Variants in DNAJC8 observed in about 807,000 individuals in gnomAD.
DNAJC8 encodes the protein DnaJ heat shock protein family (Hsp40) member C8.
In DNAJC8, 24 loss-of-function variants were observed where a neutral mutation model predicts 43.2. That is an observed-to-expected ratio of 0.56 (90% CI 0.40 to 0.78). DNAJC8 has a LOEUF of 0.78. Ranked by LOEUF, DNAJC8 falls within the 30% of genes least tolerant of loss-of-function variation. The pLI is 0.00. For missense variants in DNAJC8, 207 were observed against 299.4 expected, an observed-to-expected ratio of 0.69 and a Z score of 2.28; for synonymous variants, 83 against 98.0, an observed-to-expected ratio of 0.85 and a Z score of 0.90.
intron 2 of DNAJC8, among the ~76,000 whole-genome samples, chr1:28,223,541 A>C (rs1646913132): frequency 6.6e-6 from 1 of 152,066 alleles, no homozygotes; most frequent in East Asian, 1.9e-4. Context: ...AGTTAGTTGC[A>C]TACAGAGAGA....
Position 28,209,677 on chromosome 1 carries a change from G to T in DNAJC8, c.399+295C>A, listed in dbSNP as rs555803786. ...TCCACGTTTCCACTCTAAGAATGGG[G>T]TAAGTGGCAATATGTGATGAGAGGG... On this transcript the variant is annotated intron_variant, in intron 5 of 8. Coordinates refer to ENST00000263697, the MANE Select transcript of DNAJC8 (RefSeq NM_014280.3). 3.9e-5 allele frequency among the ~76,000 whole-genome samples: 6 copies of T among 152,330 alleles called. No individual in the cohort carries two copies. In the South Asian group the frequency reaches 1.2e-3, roughly 32 times the overall value.
rs979401445 is a variant in DNAJC8, at chr1:28,202,337, T to C, written c.640-967A>G. ...CTCTGTTGCCCAGGCTGGAGTGCAG[T>C]GGTGCGATCTCGGCTCACTACAACC... On this transcript the variant is annotated intron_variant, in intron 8 of 8. Coordinates refer to ENST00000263697, the MANE Select transcript of DNAJC8 (RefSeq NM_014280.3). Among the ~76,000 whole-genome samples the C allele has an allele frequency of 3.9e-5, 6 of 152,214 alleles. No homozygotes were observed. The East Asian group carries it at 1.2e-3, about 29-fold the overall frequency.
chr1:28,231,930 G>T (rs1646978699), intron 1 of DNAJC8, among the ~76,000 whole-genome samples: 1 of 151,940 alleles, frequency 6.6e-6, no homozygotes, highest in African/African-American at 2.4e-5. Context: ...ACCAGGCCCA[G>T]CTAATTTTTT....
At chr1:28,227,980 T>C (rs1646948510) in intron 2 of DNAJC8, among the ~76,000 whole-genome samples, 1 of 152,232 alleles carries the variant, frequency 6.6e-6, no homozygotes, top group East Asian at 1.9e-4. Context: ...ATCTAAAATC[T>C]TGTGATCTTT....
At chr1:28,221,742 CT>C (rs1429619163) in intron 2 of DNAJC8, among the ~76,000 whole-genome samples, 3 of 152,150 alleles carry the variant, frequency 2.0e-5, no homozygotes, top group Admixed American at 6.5e-5. Flanking sequence ...TCATCTTCCC[CT>C]AGGCCCTCCC....
intron 1 of DNAJC8, among the ~76,000 whole-genome samples, chr1:28,232,552 A>T (rs917525291): frequency 1.3e-5 from 2 of 151,772 alleles, no homozygotes; most frequent in Admixed American, 6.6e-5. Context: ...CACTAAAACA[A>T]CTCATTACAA....
At chr1:28,217,162 T>C (rs1487413610) in intron 2 of DNAJC8, among the ~76,000 whole-genome samples, 1 of 151,554 alleles carries the variant, frequency 6.6e-6, no homozygotes, top group African/African-American at 2.4e-5. Context: ...GACAGTGTCT[T>C]ACTTTATTAC....
intron 8 of DNAJC8, 76 bp from the exon 9 acceptor site, chr1:28,201,446 C>A: frequency 1.3e-6 from 2 of 1,596,980 alleles, no homozygotes; most frequent in South Asian, 1.1e-5. Flanking sequence ...GCCATCCACT[C>A]ACCCTCCTGT....
intron 2 of DNAJC8, among the ~76,000 whole-genome samples, chr1:28,223,213 A>G (rs952662234): frequency 6.6e-6 from 1 of 152,130 alleles, no homozygotes; most frequent in African/African-American, 2.4e-5. Context: ...GTGGAGCCAG[A>G]CCCCGAGTAA....
intron 7 of DNAJC8, 39 bp from the exon 8 acceptor site, chr1:28,203,861 T>TA: frequency 1.3e-6 from 2 of 1,581,694 alleles, no homozygotes; most frequent in Non-Finnish European, 1.7e-6. Context: ...ATATGATACT[T>TA]ACAGACTGAA....
At chr1:28,228,051 T>C (rs1408794444) in intron 2 of DNAJC8, among the ~76,000 whole-genome samples, 1 of 152,132 alleles carries the variant, frequency 6.6e-6, no homozygotes, top group Non-Finnish European at 1.5e-5. Context: ...TAACAAGTAG[T>C]TTAAATCAAG....
At position 28,210,651 on chromosome 1, in the gene DNAJC8, A is replaced by C; in HGVS notation, c.238-14T>G. ...CAAGATGGATAACTACAATAAGAGA[A>C]AAGTTGGGGTTGTCAATAAGGGAAA... On this transcript the variant is annotated splice_polypyrimidine_tract_variant and intron_variant, in intron 3 of 8. Coordinates refer to ENST00000263697, the MANE Select transcript of DNAJC8 (RefSeq NM_014280.3). 6.2e-7 allele frequency: 1 copy of C among 1,612,046 alleles called. No homozygotes were observed. The highest frequency in any genetic ancestry group is 8.5e-7 in the Non-Finnish European group (1 of 1,178,356).
At chr1:28,205,386 A>G (rs1455706869) in intron 6 of DNAJC8, 37 bp from the exon 7 acceptor site, 1 of 1,525,516 alleles carries the variant, frequency 6.6e-7, no homozygotes, top group Admixed American at 1.8e-5. Flanking sequence ...AATCAGAGTA[A>G]ATATTTTTAC....
At chr1:28,214,175 T>C (rs1646835239) in intron 3 of DNAJC8, among the ~76,000 whole-genome samples, 1 of 152,138 alleles carries the variant, frequency 6.6e-6, no homozygotes, top group Non-Finnish European at 1.5e-5. Context: ...TCTCCTTTCC[T>C]GGAGAACTTT....
At chr1:28,213,117 G>A (rs1646826713) in intron 3 of DNAJC8, among the ~76,000 whole-genome samples, 1 of 152,120 alleles carries the variant, frequency 6.6e-6, no homozygotes, top group Non-Finnish European at 1.5e-5. Context: ...ACACGGAAAG[G>A]TTAAATGTAA....
rs184225669 is a variant in DNAJC8 at position 28,219,162 on chromosome 1, G to A, written c.181-4166C>T. Among the ~76,000 whole-genome samples, 380 of 152,142 alleles carry A rather than the reference G, an allele frequency of 2.5e-3. 3 individuals carry two copies. The highest frequency in any genetic ancestry group is 8.5e-3 in the African/African-American group (354 of 41,508). ...TTTGGGGATTACAACATGATGTTAT[G>A]GGATATATACAGACAGTAAAATGGT... On this transcript the variant is annotated intron_variant, in intron 2 of 8. Transcript: ENST00000263697.
chr1:28,229,168 T>C, intron 1 of DNAJC8, 145 bp from the exon 2 acceptor site: 2 of 675,964 alleles, frequency 3.0e-6, no homozygotes, highest in Non-Finnish European at 4.9e-6. Flanking sequence ...CTTTGAGAAA[T>C]TAAAACTACC....
chr1:28,211,771 T>G (rs1041936672), intron 3 of DNAJC8, among the ~76,000 whole-genome samples: 7 of 152,122 alleles, frequency 4.6e-5, no homozygotes, highest in Non-Finnish European at 1.0e-4. Flanking sequence ...GTCCTTTTTT[T>G]GGGAAGGGTA....
intron 3 of DNAJC8, 32 bp from the exon 4 acceptor site, chr1:28,210,669 A>G: frequency 6.3e-7 from 1 of 1,584,076 alleles, no homozygotes; most frequent in Non-Finnish European, 8.7e-7. Context: ...GGTTGTCAAT[A>G]AGGGAAACAT....
Sources: allele counts gnomAD v4.1 joint callset (sites outside exome capture counted in the v4.1 genomes callset), GRCh38; gene constraint gnomAD v4.1.1; transcripts MANE v1.5; gene names NCBI Gene and HGNC (gene_info 2026-07-23, HGNC 2026-07-21).